The following PCDHA6 variants were observed in gnomAD, a reference collection of about 807,000 sequenced individuals.
The protein encoded by PCDHA6 is protocadherin alpha 6.
PCDHA6 carries 55 observed loss-of-function variants against 60.3 expected under a neutral mutation model. That is an observed-to-expected ratio of 0.91 (90% CI 0.73 to 1.14). The LOEUF is 1.14. PCDHA6 is among the 50% of genes most tolerant of loss of function. PCDHA6 has a pLI of 0.00. For missense variants in PCDHA6, 1,327 were observed against 1,256.5 expected, an observed-to-expected ratio of 1.06 and a Z score of -0.85; for synonymous variants, 652 against 557.9, an observed-to-expected ratio of 1.17 and a Z score of -2.38.
chr5:140,883,451 T>A (rs2153394032), intron 1 of PCDHA6: 1 of 1,614,144 alleles, frequency 6.2e-7, no homozygotes, highest in Non-Finnish European at 8.5e-7. Context: ...GCATGTCCCC[T>A]TCAAGCTGGT....
intron 3 of PCDHA6, 32 bp downstream of exon 3, chr5:140,982,595 G>A (rs1554244629): frequency 6.2e-7 from 1 of 1,609,520 alleles, no homozygotes; most frequent in Non-Finnish European, 8.5e-7. Flanking sequence ...ATTCTTTCTT[G>A]GTTTCTGGAA....
At chr5:140,870,619 T>C in intron 1 of PCDHA6, 1 of 1,613,150 alleles carries the variant, frequency 6.2e-7, no homozygotes, top group Middle Eastern at 1.7e-4. Flanking sequence ...GCTGTCGAGC[T>C]ACGTGTCGGT....
At chr5:140,836,089 G>T in intron 1 of PCDHA6, 1 of 1,613,682 alleles carries the variant, frequency 6.2e-7, no homozygotes. Context: ...CTGGCGCCTC[G>T]GGTGGGTGGC....
intron 1 of PCDHA6, chr5:140,854,391 A>C (rs251359): frequency 0.5 from 77,721 of 154,576 alleles, 22,387 homozygotes; most frequent in South Asian, 0.62. Flanking sequence ...TTACATTTTA[A>C]TTCAGGGTTT....
chr5:140,888,819 G>A (rs2061994549), intron 1 of PCDHA6, among the ~76,000 whole-genome samples: 1 of 151,908 alleles, frequency 6.6e-6, no homozygotes, highest in African/African-American at 2.4e-5. Context: ...TGTGATCTGT[G>A]ATCACATCAC....
rs1554131612 is a variant in PCDHA6, at chr5:140,828,869, A to G, written c.778A>G (p.Thr260Ala). The G allele has an allele frequency of 3.1e-6, 5 of 1,614,138 alleles. No homozygotes were observed. Among genetic ancestry groups the G allele is most frequent in the Admixed American group, 1.7e-5 (1 of 60,016 alleles). Residue 260 changes from threonine (T) to alanine (A), a missense_variant, in exon 1 of 4, where the codon ACA becomes GCA. Thr to Ala is a moderately conservative substitution (Grantham distance 58). Coordinates refer to ENST00000529310, the MANE Select transcript of PCDHA6 (RefSeq NM_018909.4). Reference protein sequence around the residue: ...RIFENADNGTTVIRLNASDRD... With the variant: ...RIFENADNGTAVIRLNASDRD... ...ATTCGAAAATGCAGACAACGGAACA[A>G]CAGTTATCAGACTGAATGCTTCTGA...
chr5:140,830,635 C>A, intron 1 of PCDHA6, 150 bp downstream of exon 1: 1 of 507,538 alleles, frequency 2.0e-6, no homozygotes, highest in Non-Finnish European at 3.1e-6. Flanking sequence ...ATTTTAATCT[C>A]TTTGCTTCTT....
rs2150173361 is a variant in PCDHA6, at chr5:140,829,720, G to T, written c.1629G>T (p.Pro543=). 2 of 1,613,502 alleles carry T rather than the reference G, an allele frequency of 1.2e-6. No homozygotes were observed. Among genetic ancestry groups the T allele is most frequent in the East Asian group, 2.2e-5 (1 of 44,870 alleles). Residue 543 remains proline (P), a synonymous_variant, in exon 1 of 4, where the codon CCG becomes CCT. Coordinates refer to ENST00000529310, the MANE Select transcript of PCDHA6 (RefSeq NM_018909.4). ...FQVSARDAGV[P]PLGSNVTLQV... is the part of the protein sequence containing the mutation. ...TGAGCGCGCGCGACGCGGGCGTGCC[G>T]CCTCTGGGCAGCAACGTGACGCTGC...
intron 3 of PCDHA6, among the ~76,000 whole-genome samples, chr5:140,999,367 C>T (rs1229497053): frequency 4.6e-5 from 7 of 152,100 alleles, no homozygotes; most frequent in African/African-American, 1.7e-4. Flanking sequence ...TTCACAATCC[C>T]ATTAGATGGT....
At chr5:140,966,763 G>C (rs1020607410) in intron 1 of PCDHA6, 1 of 1,470,370 alleles carries the variant, frequency 6.8e-7, no homozygotes, top group Non-Finnish European at 9.0e-7. Flanking sequence ...CGCGGCCAGT[G>C]GCTATGGAGC....
intron 1 of PCDHA6, among the ~76,000 whole-genome samples, chr5:140,885,862 T>C (rs2060742623): frequency 6.6e-6 from 1 of 152,182 alleles, no homozygotes; most frequent in African/African-American, 2.4e-5. Flanking sequence ...TACTTTTCTA[T>C]TGAAAAAAAA....
At position 140,944,693 on chromosome 5, in the gene PCDHA6, G is replaced by A. The variant is rs191002677; in HGVS notation, c.2395-34256G>A. 1.7e-3 allele frequency among the ~76,000 whole-genome samples: 252 copies of A among 152,248 alleles called. No homozygotes were observed. In the Middle Eastern group the frequency reaches 0.017, roughly 10 times the overall value. On this transcript the variant is annotated intron_variant, in intron 1 of 3. Coordinates refer to ENST00000529310, the MANE Select transcript of PCDHA6 (RefSeq NM_018909.4). ...TATTCTGTGTATCCTATTAATAACA[G>A]TAATTATCAGGTTATTTTGCCTTTG...
Position 140,999,346 on chromosome 5 carries a change from T to C in PCDHA6, c.2543-10281T>C, listed in dbSNP as rs115221132. ...ATCTGTGTGATTTATAAGCCTTGTC[T>C]CTTTTTAATGTTCACAATCCCATTA... On this transcript the variant is annotated intron_variant, in intron 3 of 3. Transcript: ENST00000529310. Among the ~76,000 whole-genome samples the C allele has an allele frequency of 2.6e-3, 399 of 152,360 alleles. 2 individuals are homozygous for C. In the Middle Eastern group the frequency reaches 0.041, roughly 16 times the overall value.
intron 3 of PCDHA6, among the ~76,000 whole-genome samples, chr5:140,984,877 C>A (rs1178230954): frequency 1.3e-5 from 2 of 151,944 alleles, no homozygotes; most frequent in Non-Finnish European, 2.9e-5. Flanking sequence ...TATTGAGTTA[C>A]CATGAGAACT....
rs199529084 is a variant in PCDHA6, at chr5:140,856,259, G to C, written c.2394+25774G>C. The C allele has an allele frequency of 2.8e-5, 44 of 1,598,088 alleles. 4 individuals are homozygous for C. Among genetic ancestry groups the C allele is most frequent in the Non-Finnish European group, 3.5e-5 (41 of 1,167,866 alleles). Reference sequence around the variant, plus strand: ...GTTCCGGGTGGCGTCCAAAAGACACGGGGACCTTCTGGAGGTAAATCTGCA... The same window carrying C: ...GTTCCGGGTGGCGTCCAAAAGACACCGGGACCTTCTGGAGGTAAATCTGCA... On this transcript the variant is annotated intron_variant, in intron 1 of 3. Coordinates refer to ENST00000529310, the MANE Select transcript of PCDHA6 (RefSeq NM_018909.4).
At chr5:140,850,157 C>T (rs2150470014) in intron 1 of PCDHA6, 2 of 1,594,994 alleles carry the variant, frequency 1.3e-6, no homozygotes, top group African/African-American at 1.3e-5. Flanking sequence ...TGCAGGTGTT[C>T]GTGCTGGACG....
intron 1 of PCDHA6, chr5:140,967,672 C>T: frequency 1.2e-6 from 2 of 1,614,182 alleles, no homozygotes; most frequent in Non-Finnish European, 8.5e-7. Context: ...ACACGTCGGA[C>T]CGGGAGAGGC....
At position 140,971,319 on chromosome 5, in the gene PCDHA6, A is replaced by C. The variant is rs568701560; in HGVS notation, c.2395-7630A>C. ...TGGTACACAAACATTTAATCTAGGG[A>C]GAAAATTATTTCAGAAAGTGCTTGC... is the stretch of plus-strand genomic sequence containing the variant. On this transcript the variant is annotated intron_variant, in intron 1 of 3. Transcript: ENST00000529310. Among the ~76,000 whole-genome samples the C allele has an allele frequency of 2.1e-4, 32 of 152,346 alleles. 1 individual carries two copies. Among genetic ancestry groups the C allele is most frequent in the Admixed American group, 2.0e-3 (31 of 15,306 alleles).
intron 1 of PCDHA6, among the ~76,000 whole-genome samples, chr5:140,974,181 A>G (rs1361812242): frequency 3.9e-5 from 6 of 152,226 alleles, no homozygotes; most frequent in Non-Finnish European, 8.8e-5. Context: ...TAACTTGACA[A>G]ATGCAAAGGA....
Sources: gnomAD v4.1 joint callset for allele counts (sites outside exome capture counted in the v4.1 genomes callset) on GRCh38, gnomAD v4.1.1 for gene constraint, MANE v1.5 for transcripts, NCBI Gene and HGNC (gene_info 2026-07-23, HGNC 2026-07-21) for gene names.